Variants in STAT1 observed in about 807,000 individuals in gnomAD.
The protein encoded by STAT1 is signal transducer and activator of transcription 1.
Under a neutral mutation model 111.7 loss-of-function variants are expected in STAT1, and 24 were observed. The ratio of observed to expected loss-of-function variants is 0.21; its 90% CI spans 0.16 to 0.30. The LOEUF is 0.30. Ranked by LOEUF, STAT1 falls within the 10% of genes least tolerant of loss-of-function variation. The pLI is 1.00. For synonymous variants in STAT1, 332 were observed against 326.5 expected (o/e 1.02, Z -0.18); for missense variants, 351 against 911.9 (o/e 0.38, Z 7.92).
At position 190,995,803 on chromosome 2, in the gene STAT1, C is replaced by T. The variant is rs10167514; in HGVS notation, c.786-584G>A. On this transcript the variant is annotated intron_variant, in intron 9 of 24. Transcript: ENST00000361099. The surrounding 1 kb of genome is among the most constrained non-coding windows in gnomAD (Gnocchi z 4.2). ...ACTAACATGCACTGAATGATTACAGCCTACATCAAAAACTTCTACACACCA... is the reference window on the plus strand; with the variant it reads ...ACTAACATGCACTGAATGATTACAGTCTACATCAAAAACTTCTACACACCA... 0.19 allele frequency among the ~76,000 whole-genome samples: 29,029 copies of T among 152,124 alleles called. 3,622 individuals carry two copies. Among genetic ancestry groups the T allele is most frequent in the East Asian group, 0.5 (2,562 of 5,168 alleles).
rs139892575 is a variant in STAT1, at chr2:191,007,867, A to G, written c.274-206T>C. 1.7e-6 allele frequency: 1 copy of G among 597,776 alleles called. No homozygotes were observed. The highest frequency in any genetic ancestry group is 3.0e-5 in the East Asian group (1 of 33,488). 37.0% of individuals were successfully genotyped at this position (597,776 alleles called of 1,614,324 possible). A position where few individuals can be genotyped will look rare whatever the true frequency, so the allele number is the denominator to read the frequency against. On this transcript the variant is annotated intron_variant, in intron 4 of 24. Transcript: ENST00000361099. The surrounding 1 kb of genome is among the most constrained non-coding windows in gnomAD (Gnocchi z 4.2). Reference sequence around the variant, plus strand: ...TTGCTTTAACTTTCTAAGTGCAGGTACCTAACGTACTTTTTGATTTAAAAA... The same window carrying G: ...TTGCTTTAACTTTCTAAGTGCAGGTGCCTAACGTACTTTTTGATTTAAAAA...
chr2:190,975,447 G>C lies in STAT1; in HGVS notation c.2135+365C>G. 2 of 883,882 alleles carry C rather than the reference G, an allele frequency of 2.3e-6. No individual in the cohort carries two copies. The highest frequency in any genetic ancestry group is 3.3e-6 in the Non-Finnish European group (2 of 598,140). 54.8% of individuals were successfully genotyped at this position (883,882 alleles called of 1,614,324 possible). ...AAATTTTTTCTACCTTTTATAAAAT[G>C]AAACAACAAAATCAAAGCAAGTGGA... is the stretch of plus-strand genomic sequence containing the variant. On this transcript the variant is annotated intron_variant, in intron 23 of 24. Transcript: ENST00000361099. This position sits in a 1 kb window ranked among gnomAD's most constrained non-coding sequence, Gnocchi z 5.9.
At chr2:191,013,936 C>T in intron 1 of STAT1, 82 bp downstream of exon 1, 2 of 325,094 alleles carry the variant, frequency 6.2e-6, no homozygotes, top group Non-Finnish European at 1.1e-5. Context: ...GGCCCGTCCT[C>T]GCCCGGCGTC....
intron 2 of STAT1, among the ~76,000 whole-genome samples, chr2:191,011,490 T>C (rs1695114556): frequency 6.6e-6 from 1 of 152,146 alleles, no homozygotes; most frequent in Non-Finnish European, 1.5e-5. Flanking sequence ...TGGAGCGCAG[T>C]TCACTGCAGC....
Position 190,986,799 on chromosome 2 carries a change from T to C in STAT1, c.1221+55A>G. 2.6e-6 allele frequency: 4 copies of C among 1,554,028 alleles called. No individual in the cohort carries two copies. The highest frequency in any genetic ancestry group is 1.1e-5 in the South Asian group (1 of 89,800). On this transcript the variant is annotated intron_variant, in intron 14 of 24. Transcript: ENST00000361099. This position sits in a 1 kb window ranked among gnomAD's most constrained non-coding sequence, Gnocchi z 5.0. The stretch of plus-strand genomic sequence containing the variant: ...AATGTGCCAAAAAGGGCTGCTCTAT[T>C]GTCAAAAGTCCTAAGAAACCAGAGA...
rs1691275351 is a variant in STAT1 at position 190,969,247 on chromosome 2, TGA to T, written c.*1454_*1455del. Reference sequence around the variant, plus strand: ...AGGTTCTCGCCATCTATATAAAAACTGAGAGAGGAGGCCTCAGATTGTATGCA... The same window carrying T: ...AGGTTCTCGCCATCTATATAAAAACTGAGAGGAGGCCTCAGATTGTATGCA... On this transcript the variant is annotated 3_prime_UTR_variant, in exon 25 of 25. Transcript: ENST00000361099. 1 of 152,144 alleles carries T rather than the reference TGA, an allele frequency of 6.6e-6. No individual in the cohort carries two copies. The highest frequency in any genetic ancestry group is 6.5e-5 in the Admixed American group (1 of 15,270). 9.4% of individuals were successfully genotyped at this position (152,144 alleles called of 1,614,324 possible).
Position 190,979,731 on chromosome 2 carries a change from C to A in STAT1, c.1727+41G>T. The A allele has an allele frequency of 1.3e-6, 2 of 1,520,820 alleles. 1 individual carries two copies. The highest frequency in any genetic ancestry group is 3.4e-4 in the Middle Eastern group (2 of 5,892). 94.2% of individuals were successfully genotyped at this position (1,520,820 alleles called of 1,614,324 possible). A position where few individuals can be genotyped will look rare whatever the true frequency, so the allele number is the denominator to read the frequency against. ...CAGGCCTTGTCTCAACCTCGCAGCA[C>A]TAAAAATATGTTTCAAAATACATCT... On this transcript the variant is annotated intron_variant, in intron 20 of 24. Transcript: ENST00000361099. This position sits in a 1 kb window ranked among gnomAD's most constrained non-coding sequence, Gnocchi z 5.8.
Position 190,980,526 on chromosome 2 carries a change from GCAAA to G in STAT1, c.1632+90_1632+93del. 1.4e-6 allele frequency: 2 copies of G among 1,434,028 alleles called. No individual in the cohort carries two copies. The highest frequency in any genetic ancestry group is 9.8e-7 in the Non-Finnish European group (1 of 1,016,426). The allele number at this position is 1,434,028 out of a possible 1,614,324, so 88.8% of individuals were successfully genotyped here. A position where few individuals can be genotyped will look rare whatever the true frequency, so the allele number is the denominator to read the frequency against. On this transcript the variant is annotated intron_variant, in intron 19 of 24. Transcript: ENST00000361099. The surrounding 1 kb of genome is among the most constrained non-coding windows in gnomAD (Gnocchi z 6.1). ...GCCAGAGAAGAACACGCCAAAATAA[GCAAA>G]CAGTTAAGTAACTATCACAGCAAGA... is the stretch of plus-strand genomic sequence containing the variant.
rs1692474052 is a variant in STAT1 at position 190,982,587 on chromosome 2, A to G, written c.1447-69T>C. 1.1e-5 allele frequency: 17 copies of G among 1,561,080 alleles called. No homozygotes were observed. The highest frequency in any genetic ancestry group is 1.4e-5 in the Non-Finnish European group (16 of 1,132,086). ...CCAGTCACAAGTGTGGCACTAAAACATATGTCCATCCCAAAGTTCAATTCT... is the reference window on the plus strand; with the variant it reads ...CCAGTCACAAGTGTGGCACTAAAACGTATGTCCATCCCAAAGTTCAATTCT... On this transcript the variant is annotated intron_variant, in intron 17 of 24. Transcript: ENST00000361099. This position sits in a 1 kb window ranked among gnomAD's most constrained non-coding sequence, Gnocchi z 7.3.
chr2:190,994,926 AAATATATATATAT>A, intron 10 of STAT1, 122 bp downstream of exon 10: 2 of 103,548 alleles, frequency 1.9e-5, no homozygotes, highest in South Asian at 1.9e-4. Context: ...AAAAAAAAAA[AAATATATATATAT>A]ATATATATAT....
intron 12 of STAT1, among the ~76,000 whole-genome samples, chr2:190,988,030 A>G (rs1166938986): frequency 5.3e-5 from 8 of 152,256 alleles, no homozygotes. Context: ...CAATGGCAAC[A>G]CAACTCTTGT....
chr2:191,008,838 G>A (rs1435604026), intron 4 of STAT1, 125 bp downstream of exon 4: 3 of 959,820 alleles, frequency 3.1e-6, no homozygotes, highest in Non-Finnish European at 4.7e-6. Flanking sequence ...AACATAAATG[G>A]AGTTAGTCTC....
Position 190,997,359 on chromosome 2 carries a change from TC to T in STAT1, c.785+496del, listed in dbSNP as rs1269216641. Among the ~76,000 whole-genome samples, 1 of 151,794 alleles carries T rather than the reference TC, an allele frequency of 6.6e-6. No individual in the cohort carries two copies. Among genetic ancestry groups the T allele is most frequent in the South Asian group, 2.1e-4 (1 of 4,794 alleles). On this transcript the variant is annotated intron_variant, in intron 9 of 24. Coordinates refer to ENST00000361099, the MANE Select transcript of STAT1 (RefSeq NM_007315.4). This position sits in a 1 kb window ranked among gnomAD's most constrained non-coding sequence, Gnocchi z 7.3. ...CACACGAATTATTACCATGTCTACA[TC>T]CCCCCCTCCACACTGAGAACTCCTT... is the stretch of plus-strand genomic sequence containing the variant.
rs1470520313 is a variant in STAT1 at position 190,990,501 on chromosome 2, C to G, written c.1037+727G>C. 6.6e-6 allele frequency among the ~76,000 whole-genome samples: 1 copy of G among 152,190 alleles called. No individual in the cohort carries two copies. The highest frequency in any genetic ancestry group is 2.4e-5 in the African/African-American group (1 of 41,446). On this transcript the variant is annotated intron_variant, in intron 11 of 24. Coordinates refer to ENST00000361099, the MANE Select transcript of STAT1 (RefSeq NM_007315.4). This position sits in a 1 kb window ranked among gnomAD's most constrained non-coding sequence, Gnocchi z 5.1. The stretch of plus-strand genomic sequence containing the variant: ...TGGAAGAAAGTAAAGCCACATATTC[C>G]TGGAAACACTTCTACAATTAGTATC...
Position 190,970,577 on chromosome 2 carries a change from G to A in STAT1, c.*126C>T. 1 of 1,037,148 alleles carries A rather than the reference G, an allele frequency of 9.6e-7. No individual in the cohort carries two copies. Among genetic ancestry groups the A allele is most frequent in the Non-Finnish European group, 1.5e-6 (1 of 667,522 alleles). 64.2% of individuals were successfully genotyped at this position (1,037,148 alleles called of 1,614,324 possible). ...AAAATTCACTTGCTATCAACAGGTT[G>A]CAGCGAATTTGCTGGCCTTTCTTTC... is the stretch of plus-strand genomic sequence containing the variant. On this transcript the variant is annotated 3_prime_UTR_variant, in exon 25 of 25. Coordinates refer to ENST00000361099, the MANE Select transcript of STAT1 (RefSeq NM_007315.4). The surrounding 1 kb of genome is among the most constrained non-coding windows in gnomAD (Gnocchi z 5.4).
In STAT1 at chr2:190,993,122, A is replaced by G. The variant is rs878912739; in HGVS notation, c.945-1802T>C. ...ATTCCTAGCACTAGTTTCCAAAAAC[A>G]GAATTCCAAGGGAATCAGCAAATTC... is the stretch of plus-strand genomic sequence containing the variant. On this transcript the variant is annotated intron_variant, in intron 10 of 24. Coordinates refer to ENST00000361099, the MANE Select transcript of STAT1 (RefSeq NM_007315.4). This position sits in a 1 kb window ranked among gnomAD's most constrained non-coding sequence, Gnocchi z 4.1. 2 of 416,412 alleles carry G rather than the reference A, an allele frequency of 4.8e-6. No homozygotes were observed. The highest frequency in any genetic ancestry group is 1.2e-4 in the East Asian group (2 of 17,114). The allele number at this position is 416,412 out of a possible 1,614,324, so 25.8% of individuals were successfully genotyped here.
chr2:191,008,707 A>T (rs1694895256), intron 4 of STAT1, among the ~76,000 whole-genome samples: 1 of 152,162 alleles, frequency 6.6e-6, no homozygotes. Context: ...ATAGCATCAC[A>T]TTTTTCTCAG....
chr2:191,013,923 G>A (rs1695338079), intron 1 of STAT1, 95 bp downstream of exon 1: 1 of 356,804 alleles, frequency 2.8e-6, no homozygotes, highest in Admixed American at 4.7e-5. Context: ...GGTCAGCACA[G>A]ACGGCCCGTC....
chr2:191,006,008 G>A lies in STAT1; in HGVS notation c.372+1555C>T, dbSNP rs1185631265. On this transcript the variant is annotated intron_variant, in intron 5 of 24. Coordinates refer to ENST00000361099, the MANE Select transcript of STAT1 (RefSeq NM_007315.4). The surrounding 1 kb of genome is among the most constrained non-coding windows in gnomAD (Gnocchi z 4.6). ...CCTTCAAGATCCAAAGCCAGGGGAT[G>A]AGGTTCATGTGGGAGAGCAGGGGTC... Among the ~76,000 whole-genome samples the A allele has an allele frequency of 2.0e-5, 3 of 152,234 alleles. No individual in the cohort carries two copies. The highest frequency in any genetic ancestry group is 1.9e-4 in the East Asian group (1 of 5,200).
Sources: allele counts gnomAD v4.1 joint callset (sites outside exome capture counted in the v4.1 genomes callset), GRCh38; gene constraint gnomAD v4.1.1; non-coding constraint Gnocchi (gnomAD v3.1); transcripts MANE v1.5; gene names NCBI Gene and HGNC (gene_info 2026-07-23, HGNC 2026-07-21).